Variants in IL1RAPL2 observed in about 807,000 individuals in gnomAD.
IL1RAPL2 encodes the protein X-linked interleukin-1 receptor accessory protein-like 2.
Under a neutral mutation model 44.1 loss-of-function variants are expected in IL1RAPL2, and 3 were observed. That is an observed-to-expected ratio of 0.07 (90% CI 0.03 to 0.18). The LOEUF (loss-of-function observed/expected upper bound fraction) is 0.18. Ranked by LOEUF, IL1RAPL2 falls within the 10% of genes least tolerant of loss-of-function variation. IL1RAPL2 has a pLI of 1.00. For synonymous variants in IL1RAPL2, 181 were observed against 178.8 expected (o/e 1.01, Z -0.10); for missense variants, 391 against 496.4 (o/e 0.79, Z 2.02).
chrX:104,734,934 G>T (rs923786197), intron 2 of IL1RAPL2, among the ~76,000 whole-genome samples: 1 of 111,783 alleles, frequency 8.9e-6, no homozygotes, highest in African/African-American at 3.2e-5. Context: ...AGTGTCAATT[G>T]TAGAATTCTG....
chrX:104,603,966 A>G (rs1415417189), intron 1 of IL1RAPL2, among the ~76,000 whole-genome samples: 1 of 111,427 alleles, frequency 9.0e-6, no homozygotes, highest in Non-Finnish European at 1.9e-5. Context: ...CACCACAAAG[A>G]TACTCCTTGA....
chrX:105,766,452 T>G (rs1320268524), intron 10 of IL1RAPL2, among the ~76,000 whole-genome samples: 1 of 111,900 alleles, frequency 8.9e-6, no homozygotes, highest in Non-Finnish European at 1.9e-5. Context: ...TTAGTATACA[T>G]AGCCCCCTCC....
intron 2 of IL1RAPL2, among the ~76,000 whole-genome samples, chrX:105,164,863 C>A (rs1344270219): frequency 8.9e-6 from 1 of 112,035 alleles, no homozygotes; most frequent in African/African-American, 3.2e-5. Context: ...AGATTAAACA[C>A]GTCATTTTAA....
intron 1 of IL1RAPL2, among the ~76,000 whole-genome samples, chrX:104,588,687 T>G (rs1928609447): frequency 8.9e-6 from 1 of 111,930 alleles, no homozygotes; most frequent in South Asian, 3.7e-4. Context: ...TAATGAAGGA[T>G]AGTCTCCTGA....
chrX:105,363,892 C>T (rs2035272848), intron 5 of IL1RAPL2, among the ~76,000 whole-genome samples: 1 of 111,143 alleles, frequency 9.0e-6, no homozygotes, highest in Non-Finnish European at 1.9e-5. Flanking sequence ...TCTCCCAATC[C>T]ATGGGTTATC....
At chrX:105,354,633 C>T (rs1274785338) in intron 5 of IL1RAPL2, among the ~76,000 whole-genome samples, 1 of 108,177 alleles carries the variant, frequency 9.2e-6, no homozygotes, top group Non-Finnish European at 1.9e-5. Context: ...CACATGTACC[C>T]TAAAACTTAA....
At position 104,726,513 on chromosome X, in the gene IL1RAPL2, G is replaced by A. The variant is rs1931796620; in HGVS notation, c.82+67518G>A. 5.4e-5 allele frequency among the ~76,000 whole-genome samples: 6 copies of A among 111,446 alleles called. No individual in the cohort carries two copies. The East Asian group carries it at 1.7e-3, about 31-fold the overall frequency. On this transcript the variant is annotated intron_variant, in intron 2 of 10. Coordinates refer to ENST00000372582, the MANE Select transcript of IL1RAPL2 (RefSeq NM_017416.2). The stretch of plus-strand genomic sequence containing the variant: ...CAATATTGATTCTTCCTATCCATGG[G>A]CATGGAATGTTTTTCCATTTGTAAG...
intron 2 of IL1RAPL2, among the ~76,000 whole-genome samples, chrX:104,976,767 G>A (rs187982872): frequency 8.9e-4 from 98 of 110,676 alleles, no homozygotes; most frequent in Non-Finnish European, 1.5e-3. Flanking sequence ...TATCTGTGGG[G>A]CATCCAACAG....
intron 2 of IL1RAPL2, among the ~76,000 whole-genome samples, chrX:105,085,652 C>T (rs1244146900): frequency 1.8e-5 from 2 of 111,410 alleles, no homozygotes; most frequent in South Asian, 7.5e-4. Flanking sequence ...CCATATGATC[C>T]AGCAATTCCA....
At chrX:104,646,134 G>C (rs987976061) in intron 1 of IL1RAPL2, among the ~76,000 whole-genome samples, 2 of 111,808 alleles carry the variant, frequency 1.8e-5, no homozygotes, top group Non-Finnish European at 3.8e-5. Context: ...AGGTGGGAGA[G>C]TTAATAAAAT....
At chrX:104,712,553 C>G (rs761394551) in intron 2 of IL1RAPL2, among the ~76,000 whole-genome samples, 2 of 110,677 alleles carry the variant, frequency 1.8e-5, no homozygotes, top group Non-Finnish European at 3.8e-5. Flanking sequence ...TTCCTAAGGT[C>G]CTTGTAAATC....
At chrX:104,576,284 G>A (rs1012310955) in intron 1 of IL1RAPL2, among the ~76,000 whole-genome samples, 2 of 111,241 alleles carry the variant, frequency 1.8e-5, no homozygotes, top group Non-Finnish European at 3.8e-5. Context: ...GCATTTAAAC[G>A]TGACACAAAA....
intron 7 of IL1RAPL2, among the ~76,000 whole-genome samples, chrX:105,735,462 CAT>C (rs1452388140): frequency 9.0e-6 from 1 of 111,580 alleles, no homozygotes; most frequent in Non-Finnish European, 1.9e-5. Flanking sequence ...CTTCTAAGGT[CAT>C]ATGAAATATA....
At chrX:105,731,504 C>A (rs1899043759) in intron 7 of IL1RAPL2, among the ~76,000 whole-genome samples, 1 of 111,021 alleles carries the variant, frequency 9.0e-6, no homozygotes, top group South Asian at 3.8e-4. Context: ...AAAGGCATAC[C>A]TGAACCCCCA....
intron 5 of IL1RAPL2, among the ~76,000 whole-genome samples, chrX:105,268,962 GTA>G (rs2034426980): frequency 9.1e-6 from 1 of 110,093 alleles, no homozygotes; most frequent in Admixed American, 9.8e-5. Flanking sequence ...AATTAAAAAA[GTA>G]TGTGTGTGTG....
At chrX:105,670,448 C>T (rs1192545364) in intron 6 of IL1RAPL2, among the ~76,000 whole-genome samples, 1 of 104,259 alleles carries the variant, frequency 9.6e-6, no homozygotes, top group Non-Finnish European at 2.0e-5. Flanking sequence ...TGCAGGAGCC[C>T]GCCACCGCGC....
intron 1 of IL1RAPL2, among the ~76,000 whole-genome samples, chrX:104,594,145 G>T (rs1212099828): frequency 8.9e-6 from 1 of 111,933 alleles, no homozygotes; most frequent in Non-Finnish European, 1.9e-5. Context: ...AAGAATACCT[G>T]TCATTATGGA....
chrX:104,915,751 T>C (rs1302907110), intron 2 of IL1RAPL2, among the ~76,000 whole-genome samples: 2 of 111,770 alleles, frequency 1.8e-5, no homozygotes, highest in African/African-American at 3.3e-5. Flanking sequence ...TTGTATAAGG[T>C]GTAAGGAAGG....
intron 2 of IL1RAPL2, among the ~76,000 whole-genome samples, chrX:105,032,357 G>A (rs922504618): frequency 1.9e-5 from 2 of 106,846 alleles, no homozygotes; most frequent in African/African-American, 6.9e-5. Context: ...TTCTCTTGTG[G>A]GCATTTAGTG....
Sources: allele counts gnomAD v4.1 joint callset (sites outside exome capture counted in the v4.1 genomes callset), GRCh38; gene constraint gnomAD v4.1.1; transcripts MANE v1.5; gene names NCBI Gene and HGNC (gene_info 2026-07-23, HGNC 2026-07-21).